Variants in SNX13 observed in about 807,000 individuals in gnomAD.
The protein encoded by SNX13 is sorting nexin-13.
In SNX13, 45 loss-of-function variants were observed where a neutral mutation model predicts 133.6. The ratio of observed to expected loss-of-function variants is 0.34; its 90% confidence interval spans 0.27 to 0.43. SNX13 has a LOEUF of 0.43. Among genes scored for constraint, SNX13 ranks in the 20% least tolerant of loss-of-function variants. The pLI, the probability that SNX13 is intolerant of heterozygous loss-of-function variation, is 1.00. For synonymous variants in SNX13, 414 were observed against 373.9 expected, an observed-to-expected ratio of 1.11 and a Z score of -1.24; for missense variants, 1,032 against 1,145.1, an observed-to-expected ratio of 0.90 and a Z score of 1.43.
chr7:17,908,359 T>G (rs543124420), intron 1 of SNX13, among the ~76,000 whole-genome samples: 4 of 152,322 alleles, frequency 2.6e-5, no homozygotes, highest in African/African-American at 4.8e-5. Flanking sequence ...AAATGACCTT[T>G]GAGAAAGATT....
intron 23 of SNX13, 102 bp downstream of exon 23, chr7:17,798,907 G>A: frequency 1.4e-6 from 2 of 1,390,946 alleles, no homozygotes; most frequent in Non-Finnish European, 2.0e-6. Context: ...AAAAGGCCCA[G>A]AGAAAAAAAT....
chr7:17,843,770 G>T (rs1294547968), intron 12 of SNX13, among the ~76,000 whole-genome samples: 1 of 151,798 alleles, frequency 6.6e-6, no homozygotes, highest in African/African-American at 2.4e-5. Context: ...AATTAAAACT[G>T]GAAAACTCAT....
intron 1 of SNX13, among the ~76,000 whole-genome samples, chr7:17,929,131 G>T (rs951365939): frequency 4.6e-5 from 7 of 151,784 alleles, no homozygotes; most frequent in Non-Finnish European, 7.4e-5. Context: ...ACACAGAGAA[G>T]AATAATGAAT....
In SNX13 at chr7:17,929,053, T is replaced by C. The variant is rs1410786861; in HGVS notation, c.12+11231A>G. On this transcript the variant is annotated intron_variant, in intron 1 of 25. Coordinates refer to ENST00000428135, the MANE Select transcript of SNX13 (RefSeq NM_015132.5). ...TTTCTATTTTGGCTTTTTTAATCTA[T>C]TTGAGAAGGGGTAGAAAGATTAAAG... 2.0e-5 allele frequency among the ~76,000 whole-genome samples: 3 copies of C among 152,066 alleles called. No individual in the cohort carries two copies. The East Asian group carries it at 5.8e-4, about 29-fold the overall frequency.
chr7:17,936,994 C>A (rs546276985), intron 1 of SNX13, among the ~76,000 whole-genome samples: 3 of 119,936 alleles, frequency 2.5e-5, no homozygotes, highest in African/African-American at 6.3e-5. Context: ...GGGAAAAAAA[C>A]TAACATTAAA....
At position 17,833,987 on chromosome 7, in the gene SNX13, C is replaced by G. The variant is rs74710074; in HGVS notation, c.1597+65G>C. The G allele has an allele frequency of 3.2e-4, 392 of 1,230,372 alleles. No individual in the cohort carries two copies. The African/African-American group carries it at 5.6e-3, about 18-fold the overall frequency. The allele number at this position is 1,230,372 out of a possible 1,614,324, so 76.2% of individuals were successfully genotyped here. A position where few individuals can be genotyped will look rare whatever the true frequency, so the allele number is the denominator to read the frequency against. On this transcript the variant is annotated intron_variant, in intron 15 of 25. Coordinates refer to ENST00000428135, the MANE Select transcript of SNX13 (RefSeq NM_015132.5). ...AACATTTTTAACTTATACAAAAGCT[C>G]TTTTGGTAAGCAGAATATATATAAA...
chr7:17,936,485 C>T (rs746478363), intron 1 of SNX13, among the ~76,000 whole-genome samples: 2 of 152,150 alleles, frequency 1.3e-5, no homozygotes, highest in Non-Finnish European at 2.9e-5. Context: ...TAAATAGCTA[C>T]ACTGTTTATT....
At chr7:17,868,343 A>G in intron 9 of SNX13, 64 bp downstream of exon 9, 1 of 1,201,676 alleles carries the variant, frequency 8.3e-7, no homozygotes, top group East Asian at 2.5e-5. Flanking sequence ...CCTATCTCCC[A>G]ACTATATTTT....
rs1783605811 is a variant in SNX13 at position 17,792,129 on chromosome 7, T to C, written c.*1916A>G. On this transcript the variant is annotated 3_prime_UTR_variant, in exon 26 of 26. Transcript: ENST00000428135. Reference sequence around the variant, plus strand: ...ATGAATTATTCTGTATACTGTTAGATTTATTCATGTCAAAAATATATTTGA... The same window carrying C: ...ATGAATTATTCTGTATACTGTTAGACTTATTCATGTCAAAAATATATTTGA... 1 of 152,054 alleles carries C rather than the reference T, an allele frequency of 6.6e-6. No individual in the cohort carries two copies. Among genetic ancestry groups the C allele is most frequent in the South Asian group, 2.1e-4 (1 of 4,826 alleles). The allele number at this position is 152,054 out of a possible 1,614,324, so 9.4% of individuals were successfully genotyped here. A position where few individuals can be genotyped will look rare whatever the true frequency, so the allele number is the denominator to read the frequency against.
chr7:17,821,501 T>C lies in SNX13; in HGVS notation c.1845+8A>G, dbSNP rs552728596. The stretch of plus-strand genomic sequence containing the variant: ...CATAAAGTACACAAGTTTTTAAAAC[T>C]TCATTACCTGTTCAGTGATTCTCAT... On this transcript the variant is annotated splice_region_variant and intron_variant, in intron 18 of 25. Transcript: ENST00000428135. 2 of 1,604,988 alleles carry C rather than the reference T, an allele frequency of 1.2e-6. No individual in the cohort carries two copies. Among genetic ancestry groups the C allele is most frequent in the African/African-American group, 2.7e-5 (2 of 74,586 alleles).
At chr7:17,921,743 A>G (rs1320853404) in intron 1 of SNX13, among the ~76,000 whole-genome samples, 1 of 152,232 alleles carries the variant, frequency 6.6e-6, no homozygotes, top group Non-Finnish European at 1.5e-5. Context: ...TGAGCCATGC[A>G]TCAGAATTTC....
intron 15 of SNX13, among the ~76,000 whole-genome samples, chr7:17,833,416 G>A (rs117323468): frequency 0.013 from 1,954 of 151,764 alleles, 31 homozygotes; most frequent in Non-Finnish European, 0.016. Context: ...AATGAGGCTT[G>A]AAGAATTTAA....
chr7:17,897,404 G>A lies in SNX13; in HGVS notation c.55C>T (p.Leu19Phe), dbSNP rs750697792. 6.2e-6 allele frequency: 10 copies of A among 1,603,562 alleles called. No homozygotes were observed. The highest frequency in any genetic ancestry group is 1.3e-5 in the African/African-American group (1 of 74,704). ...AAGGGTCCAAAGGTTATCAGAAAAA[G>A]GACAATGCCAAGGCTTCCCCATCCC... is the stretch of plus-strand genomic sequence containing the variant. Reference protein sequence around the residue: ...IWGWGSLGIVLFLITFGPFVI... With the variant: ...IWGWGSLGIVFFLITFGPFVI... Residue 19 changes from leucine (L) to phenylalanine (F), a missense_variant, in exon 2 of 26, where the codon CTT becomes TTT. Transcript: ENST00000428135.
rs1790825282 is a variant in SNX13 at position 17,848,593 on chromosome 7, CAG to C, written c.1065+1752_1065+1753del. On this transcript the variant is annotated intron_variant, in intron 11 of 25. Coordinates refer to ENST00000428135, the MANE Select transcript of SNX13 (RefSeq NM_015132.5). Reference sequence around the variant, plus strand: ...TGACTGGACAGCTGTAGGGCCTGAACAGAGTTTGCTCTTGCCAGTGCTAATGC... The same window carrying C: ...TGACTGGACAGCTGTAGGGCCTGAACAGTTTGCTCTTGCCAGTGCTAATGC... Among the ~76,000 whole-genome samples, 4 of 152,308 alleles carry C rather than the reference CAG, an allele frequency of 2.6e-5. No homozygotes were observed. The South Asian group carries it at 6.2e-4, about 24-fold the overall frequency.
chr7:17,834,284 A>C (rs1788867946), intron 14 of SNX13, 100 bp from the exon 15 acceptor site: 5 of 1,050,394 alleles, frequency 4.8e-6, no homozygotes. Context: ...TCTTGCCATA[A>C]TGTATCATAG....
chr7:17,883,732 C>T (rs569915003), intron 5 of SNX13, among the ~76,000 whole-genome samples: 2 of 152,040 alleles, frequency 1.3e-5, no homozygotes, highest in East Asian at 3.9e-4. Flanking sequence ...CCCCAAGAGG[C>T]CCCGGTGTGT....
chr7:17,813,135 A>T (rs1408071060), intron 20 of SNX13, among the ~76,000 whole-genome samples: 3 of 152,192 alleles, frequency 2.0e-5, no homozygotes, highest in African/African-American at 7.2e-5. Flanking sequence ...ATGAAAAAAA[A>T]GTGTTGTATA....
intron 1 of SNX13, among the ~76,000 whole-genome samples, chr7:17,901,884 T>C (rs555577088): frequency 6.6e-6 from 1 of 152,212 alleles, no homozygotes; most frequent in Non-Finnish European, 1.5e-5. Flanking sequence ...TTGGCCATCC[T>C]GCTCTGCATC....
Position 17,796,899 on chromosome 7 carries a change from G to T in SNX13, c.2554C>A (p.Pro852Thr). Reference sequence around the variant, plus strand: ...ATTCGAATACTTTTATCTCTGCATGGAACAGCCTCTGCTAAAATGCCATTT... The same window carrying T: ...ATTCGAATACTTTTATCTCTGCATGTAACAGCCTCTGCTAAAATGCCATTT... ...WPNGILAEAV[P>T]CRDKSIRMRT... is the part of the protein sequence containing the mutation. Residue 852 changes from proline to threonine, a missense_variant, in exon 25 of 26, where the codon CCA (proline) becomes ACA (threonine). Coordinates refer to ENST00000428135, the MANE Select transcript of SNX13 (RefSeq NM_015132.5). 1 of 1,611,042 alleles carries T rather than the reference G, an allele frequency of 6.2e-7. No individual in the cohort carries two copies. Among genetic ancestry groups the T allele is most frequent in the Non-Finnish European group, 8.5e-7 (1 of 1,178,084 alleles).
Sources: gnomAD v4.1 joint callset for allele counts (sites outside exome capture counted in the v4.1 genomes callset) on GRCh38, gnomAD v4.1.1 for gene constraint, MANE v1.5 for transcripts, NCBI Gene and HGNC (gene_info 2026-07-23, HGNC 2026-07-21) for gene names.